Variants in YES1 observed in about 807,000 individuals in gnomAD.
YES1 encodes the protein tyrosine-protein kinase Yes.
In YES1, 39 loss-of-function variants were observed where a neutral mutation model predicts 70.4. That is an observed-to-expected ratio of 0.55 (90% CI 0.43 to 0.72). The LOEUF (loss-of-function observed/expected upper bound fraction) is 0.72. YES1 is among the 30% of genes least tolerant of loss of function. YES1 has a pLI of 0.00. For missense variants in YES1, 495 were observed against 644.8 expected (o/e 0.77, Z 2.52); for synonymous variants, 198 against 218.6 (o/e 0.91, Z 0.83).
At chr18:736,118 G>A (rs7234709) in intron 10 of YES1, 86,744 of 152,436 alleles carry the variant, frequency 0.57, 25,014 homozygotes, top group East Asian at 0.7. Context: ...GGCTGCAGTG[G>A]GCTGAAATCA....
At position 736,818 on chromosome 18, in the gene YES1, T is replaced by A; in HGVS notation, c.1281A>T (p.Thr427=). ...LARLIEDNEY[T]ARQGAKFPIK... ...TAAAAGTAATTTTACCTTGTCTTGC[T>A]GTGTATTCATTGTCTTCAATTAACC... Residue 427 remains threonine (T), a synonymous_variant, in exon 10 of 12, where the codon ACA becomes ACT. Transcript: ENST00000314574. The A allele has an allele frequency of 6.2e-7, 1 of 1,611,108 alleles. No homozygotes were observed. Among genetic ancestry groups the A allele is most frequent in the Non-Finnish European group, 8.5e-7 (1 of 1,179,744 alleles).
In YES1 at chr18:745,724, C is replaced by T. The variant is rs751544565; in HGVS notation, c.708G>A (p.Leu236=). 1 of 1,608,386 alleles carries T rather than the reference C, an allele frequency of 6.2e-7. No homozygotes were observed. The highest frequency in any genetic ancestry group is 1.7e-5 in the Admixed American group (1 of 58,696). ...TRAQFDTLQK[L]VKHYTEHADG... Reference sequence around the variant, plus strand: ...TTCACATACCTGTGTAGTGTTTCACCAATTTCTGCAGAGTATCAAATTGTG... The same window carrying T: ...TTCACATACCTGTGTAGTGTTTCACTAATTTCTGCAGAGTATCAAATTGTG... Residue 236 remains leucine (L), a synonymous_variant, in exon 6 of 12, where the codon TTG becomes TTA. Transcript: ENST00000314574.
At chr18:729,595 G>T (rs2080063045) in intron 11 of YES1, among the ~76,000 whole-genome samples, 1 of 145,906 alleles carries the variant, frequency 6.9e-6, no homozygotes, top group South Asian at 2.2e-4. Context: ...GATTATCTCA[G>T]AGTCTGCTCC....
At chr18:745,359 T>C (rs1158485281) in intron 6 of YES1, among the ~76,000 whole-genome samples, 5 of 152,218 alleles carry the variant, frequency 3.3e-5, no homozygotes, top group Non-Finnish European at 5.9e-5. Context: ...CCTTCTGACA[T>C]AGCTTTTTCT....
At chr18:767,657 T>A (rs1904973740) in intron 1 of YES1, among the ~76,000 whole-genome samples, 1 of 152,190 alleles carries the variant, frequency 6.6e-6, no homozygotes, top group Admixed American at 6.5e-5. Flanking sequence ...TTACTGTAGC[T>A]TTACTGTGTC....
chr18:742,771 C>T (rs1414079952), intron 8 of YES1, 147 bp downstream of exon 8: 2 of 540,452 alleles, frequency 3.7e-6, no homozygotes, highest in East Asian at 3.3e-5. Context: ...AATCACTATT[C>T]CATTAAACAA....
chr18:805,209 C>A (rs1337406061), intron 1 of YES1, among the ~76,000 whole-genome samples: 2 of 152,162 alleles, frequency 1.3e-5, no homozygotes, highest in Non-Finnish European at 2.9e-5. Flanking sequence ...TAGCTGACTA[C>A]AACCTTGGGC....
At chr18:732,775 A>G (rs915172892) in intron 11 of YES1, 59 bp downstream of exon 11, 15 of 1,609,824 alleles carry the variant, frequency 9.3e-6, no homozygotes, top group Admixed American at 5.0e-5. Context: ...TTCTGTTCCT[A>G]ATAAACTCCT....
At chr18:756,521 TCAAA>T (rs747522313) in intron 2 of YES1, 32 bp downstream of exon 2, 7 of 1,610,764 alleles carry the variant, frequency 4.3e-6, no homozygotes, top group East Asian at 2.2e-5. Flanking sequence ...GGTGATGTTC[TCAAA>T]CAGACAACAT....
At chr18:753,990 T>C (rs2080375347) in intron 2 of YES1, among the ~76,000 whole-genome samples, 1 of 152,184 alleles carries the variant, frequency 6.6e-6, no homozygotes, top group Non-Finnish European at 1.5e-5. Flanking sequence ...CCATTTCCAC[T>C]GCTGCTACCC....
intron 9 of YES1, chr18:737,303 AT>A (rs2080165231): frequency 1.2e-5 from 2 of 168,028 alleles, no homozygotes; most frequent in African/African-American, 4.8e-5. Context: ...AAATACAAAC[AT>A]TAGCTGGGTG....
At chr18:741,176 G>A (rs1176305229) in intron 8 of YES1, among the ~76,000 whole-genome samples, 1 of 151,938 alleles carries the variant, frequency 6.6e-6, no homozygotes, top group African/African-American at 2.4e-5. Flanking sequence ...GGGATTGGAG[G>A]CATGAACCAC....
chr18:746,111 A>C, intron 4 of YES1, 60 bp from the exon 5 acceptor site: 1 of 1,264,714 alleles, frequency 7.9e-7, no homozygotes, highest in Non-Finnish European at 1.1e-6. Context: ...ATTATACAGA[A>C]GTGTCAGTAA....
chr18:791,251 GAAAAAAAAAAGAA>G (rs369468052), intron 1 of YES1, among the ~76,000 whole-genome samples: 372 of 82,366 alleles, frequency 4.5e-3, no homozygotes, highest in Admixed American at 6.7e-3. Flanking sequence ...ACTTGAAGAA[GAAAAAAAAAAGAA>G]AAAAAAAAAA....
intron 8 of YES1, among the ~76,000 whole-genome samples, chr18:742,460 A>T (rs1470684483): frequency 1.2e-4 from 3 of 25,648 alleles, no homozygotes; most frequent in East Asian, 2.4e-3. Flanking sequence ...GTCTCTATTT[A>T]AAAAAAAAAA....
chr18:769,185 A>G (rs1905047084), intron 1 of YES1, among the ~76,000 whole-genome samples: 1 of 152,210 alleles, frequency 6.6e-6, no homozygotes, highest in Admixed American at 6.5e-5. Context: ...ATGTTCACAC[A>G]ATGATGAAAT....
intron 1 of YES1, among the ~76,000 whole-genome samples, chr18:809,692 T>C (rs1356479507): frequency 6.6e-6 from 1 of 152,158 alleles, no homozygotes; most frequent in Non-Finnish European, 1.5e-5. Context: ...GCCTAGGTAG[T>C]GTTCGAAAGT....
At chr18:765,571 T>C (rs1904867535) in intron 1 of YES1, among the ~76,000 whole-genome samples, 1 of 151,658 alleles carries the variant, frequency 6.6e-6, no homozygotes, top group Admixed American at 6.6e-5. Flanking sequence ...GCTAATTTTT[T>C]GTATTTTTAG....
chr18:750,297 C>A (rs975625768), intron 3 of YES1, among the ~76,000 whole-genome samples: 18 of 152,264 alleles, frequency 1.2e-4, no homozygotes, highest in African/African-American at 4.3e-4. Context: ...TTACTGAATA[C>A]CTATTAAGTG....
Sources: allele counts gnomAD v4.1 joint callset (sites outside exome capture counted in the v4.1 genomes callset), GRCh38; gene constraint gnomAD v4.1.1; transcripts MANE v1.5; gene names NCBI Gene and HGNC (gene_info 2026-07-23, HGNC 2026-07-21).